Variants in TSPAN15 observed in about 807,000 individuals in gnomAD.
TSPAN15 encodes tetraspanin 15.
A neutral mutation model predicts 34.5 loss-of-function variants in TSPAN15; 20 were observed. The ratio of observed to expected loss-of-function variants is 0.58; its 90% CI spans 0.41 to 0.84. The LOEUF (loss-of-function observed/expected upper bound fraction) is 0.84. TSPAN15 is among the 40% of genes least tolerant of loss of function. The pLI, the probability that TSPAN15 is intolerant of heterozygous loss-of-function variation, is 0.00. For synonymous variants in TSPAN15, 155 were observed against 153.9 expected (o/e 1.01, Z -0.05); for missense variants, 313 against 386.1 (o/e 0.81, Z 1.59).
chr10:69,518,058 C>T, the TSPAN15 span, among the ~76,000 whole-genome samples: 2 of 152,218 alleles, frequency 1.3e-5, no homozygotes, highest in Non-Finnish European at 2.9e-5. Flanking sequence ...TTGGCAAAGA[C>T]AGAATATGTG....
chr10:69,498,421 G>T (rs374475148), intron 5 of TSPAN15, 25 bp downstream of exon 5: 1 of 1,596,112 alleles, frequency 6.3e-7, no homozygotes, highest in African/African-American at 1.3e-5. Context: ...TGTGGGGACT[G>T]GGGGGCTGTC....
chr10:69,530,818 CTCTATATATATATA>C, the TSPAN15 span, among the ~76,000 whole-genome samples: 72 of 42,550 alleles, frequency 1.7e-3, no homozygotes, highest in South Asian at 6.3e-3. Context: ...CTCTCTCTCT[CTCTATATATATATA>C]TATATATATA....
intron 1 of TSPAN15, among the ~76,000 whole-genome samples, chr10:69,472,611 G>C (rs1187986834): frequency 6.6e-6 from 1 of 152,154 alleles, no homozygotes; most frequent in East Asian, 1.9e-4. Flanking sequence ...TCCCTCCCTG[G>C]AATTAACCCT....
At chr10:69,496,351 A>AATAATG in intron 4 of TSPAN15, among the ~76,000 whole-genome samples, 1 of 148,084 alleles carries the variant, frequency 6.8e-6, no homozygotes, top group Middle Eastern at 3.6e-3. Context: ...TAATAATAAT[A>AATAATG]ATAATAATAA....
At chr10:69,452,604 C>A (rs745898682) in intron 1 of TSPAN15, among the ~76,000 whole-genome samples, 2 of 152,172 alleles carry the variant, frequency 1.3e-5, no homozygotes, top group Non-Finnish European at 2.9e-5. Context: ...AAGTGTGAGA[C>A]ATTATTACTA....
intron 1 of TSPAN15, among the ~76,000 whole-genome samples, chr10:69,482,633 G>A (rs1289738500): frequency 6.6e-6 from 1 of 152,168 alleles, no homozygotes; most frequent in Non-Finnish European, 1.5e-5. Context: ...ATTCACTCGC[G>A]AAAGCCGTGG....
chr10:69,468,941 G>A (rs889473054), intron 1 of TSPAN15, among the ~76,000 whole-genome samples: 3 of 151,158 alleles, frequency 2.0e-5, no homozygotes, highest in African/African-American at 7.3e-5. Flanking sequence ...TATTAATAAT[G>A]AGCCCGTTTA....
chr10:69,459,304 C>T (rs531170093), intron 1 of TSPAN15, among the ~76,000 whole-genome samples: 13 of 152,180 alleles, frequency 8.5e-5, no homozygotes, highest in African/African-American at 1.9e-4. Context: ...ACTGTGATAC[C>T]GTGATAGGTG....
intron 5 of TSPAN15, among the ~76,000 whole-genome samples, chr10:69,501,508 C>A (rs1404570867): frequency 6.6e-6 from 1 of 152,162 alleles, no homozygotes; most frequent in Non-Finnish European, 1.5e-5. Flanking sequence ...ACTATTCAAC[C>A]TGGGATTTGA....
intron 1 of TSPAN15, among the ~76,000 whole-genome samples, chr10:69,476,002 G>T (rs372077044): frequency 4.6e-5 from 7 of 152,060 alleles, no homozygotes; most frequent in African/African-American, 1.7e-4. Context: ...TCACTTAGGA[G>T]CAGGAAGACC....
chr10:69,480,028 A>G (rs765508771), intron 1 of TSPAN15, among the ~76,000 whole-genome samples: 5 of 152,214 alleles, frequency 3.3e-5, no homozygotes, highest in Non-Finnish European at 7.3e-5. Context: ...GCTTTATAAC[A>G]GCAGAGAGTG....
At chr10:69,521,027 G>C in the TSPAN15 span, among the ~76,000 whole-genome samples, 1 of 151,296 alleles carries the variant, frequency 6.6e-6, no homozygotes, top group Non-Finnish European at 1.5e-5. Context: ...AGCTGTGATA[G>C]GTAATTTCAT....
chr10:69,507,651 G>GTTTTGTTTTTTTTTTTTTTTTTT lies in TSPAN15; in HGVS notation c.*677_*678insGTTTTTTTTTTTTTTTTTTTTTT. 1 of 1,007,626 alleles carries GTTTTGTTTTTTTTTTTTTTTTTT rather than the reference G, an allele frequency of 9.9e-7. No homozygotes were observed. Among genetic ancestry groups the GTTTTGTTTTTTTTTTTTTTTTTT allele is most frequent in the African/African-American group, 1.9e-5 (1 of 52,288 alleles). 62.4% of individuals were successfully genotyped at this position (1,007,626 alleles called of 1,614,324 possible). A position where few individuals can be genotyped will look rare whatever the true frequency, so the allele number is the denominator to read the frequency against. Reference sequence around the variant, plus strand: ...TTTGTTAATCAAACAATAAAAACATGTTTTTTTTTTTTTTTTTTTTTTGCC... The same window carrying GTTTTGTTTTTTTTTTTTTTTTTT: ...TTTGTTAATCAAACAATAAAAACATGTTTTGTTTTTTTTTTTTTTTTTTTTTTTTTTTTTTTTTTTTTTTTGCC... On this transcript the variant is annotated 3_prime_UTR_variant, in exon 8 of 8. Coordinates refer to ENST00000373290, the MANE Select transcript of TSPAN15 (RefSeq NM_012339.5).
chr10:69,474,410 G>A (rs891474297), intron 1 of TSPAN15, among the ~76,000 whole-genome samples: 1 of 152,132 alleles, frequency 6.6e-6, no homozygotes, highest in Non-Finnish European at 1.5e-5. Flanking sequence ...GATGGGCTCC[G>A]AAAGGCTGCC....
chr10:69,495,642 TATG>T lies in TSPAN15; in HGVS notation c.412_414del (p.Asp138del). 6.2e-7 allele frequency: 1 copy of T among 1,614,210 alleles called. No homozygotes were observed. Among genetic ancestry groups the T allele is most frequent in the Non-Finnish European group, 8.5e-7 (1 of 1,180,004 alleles). On this transcript the variant is annotated inframe_deletion, in exon 4 of 8. Coordinates refer to ENST00000373290, the MANE Select transcript of TSPAN15 (RefSeq NM_012339.5). ...CATTCGAAGAGGAATTGAGAACTAC[TATG>T]ATGATCTGGACTTCAAAAACATCAT...
At chr10:69,482,750 C>G (rs1049469269) in intron 1 of TSPAN15, among the ~76,000 whole-genome samples, 2 of 152,146 alleles carry the variant, frequency 1.3e-5, no homozygotes, top group Admixed American at 1.3e-4. Flanking sequence ...AGTAGCAGAG[C>G]TGGGGCTCGA....
At chr10:69,454,378 C>T (rs1266088389) in intron 1 of TSPAN15, among the ~76,000 whole-genome samples, 4 of 151,900 alleles carry the variant, frequency 2.6e-5, no homozygotes, top group Admixed American at 6.6e-5. Flanking sequence ...ATTAGCCAGG[C>T]GTGGTGGTGT....
chr10:69,525,017 G>C, the TSPAN15 span, among the ~76,000 whole-genome samples: 3 of 147,722 alleles, frequency 2.0e-5, 1 homozygote, highest in Non-Finnish European at 4.5e-5. Context: ...CTAACCTCAG[G>C]CAATCCGCCG....
At chr10:69,510,005 G>C (rs1842399243), downstream of TSPAN15, among the ~76,000 whole-genome samples, 1 of 152,204 alleles carries the variant, frequency 6.6e-6, no homozygotes, top group Non-Finnish European at 1.5e-5. Flanking sequence ...TTTGAAGTCA[G>C]GAAGTGTGAT....
Sources: gnomAD v4.1 joint callset for allele counts (sites outside exome capture counted in the v4.1 genomes callset) on GRCh38, gnomAD v4.1.1 for gene constraint, MANE v1.5 for transcripts, NCBI Gene and HGNC (gene_info 2026-07-23, HGNC 2026-07-21) for gene names.